MPPED2: variants seen among roughly 807,000 people sequenced by gnomAD.
MPPED2 encodes the protein metallophosphoesterase MPPED2.
MPPED2 carries 5 observed loss-of-function variants against 33.0 expected under a neutral mutation model. The observed-to-expected ratio is 0.15, with a 90% CI of 0.08 to 0.32. The LOEUF (loss-of-function observed/expected upper bound fraction) is 0.32, where lower values mean the gene tolerates loss of function less well. MPPED2 is among the 10% of genes least tolerant of loss of function. MPPED2 has a pLI of 1.00. For synonymous variants in MPPED2, 136 were observed against 141.9 expected (o/e 0.96, Z 0.29); for missense variants, 275 against 372.1 (o/e 0.74, Z 2.15).
chr11:30,559,294 T>C (rs1280299857), intron 2 of MPPED2, among the ~76,000 whole-genome samples: 1 of 152,172 alleles, frequency 6.6e-6, no homozygotes, highest in Non-Finnish European at 1.5e-5. Context: ...CACAGAGCAA[T>C]AGTAACAAAG....
chr11:30,570,227 A>G (rs182209824), intron 2 of MPPED2, among the ~76,000 whole-genome samples: 12 of 152,208 alleles, frequency 7.9e-5, no homozygotes, highest in Admixed American at 7.9e-4. Flanking sequence ...TTCCCAGGTC[A>G]CAGGCAGGCA....
downstream of MPPED2, among the ~76,000 whole-genome samples, chr11:30,409,782 C>G (rs760805343): frequency 9.2e-5 from 14 of 152,286 alleles, no homozygotes; most frequent in Non-Finnish European, 2.1e-4. Flanking sequence ...GCTATCCCCT[C>G]TTGGTTGCCA....
At chr11:30,475,046 T>G (rs1951117593) in intron 4 of MPPED2, among the ~76,000 whole-genome samples, 1 of 152,222 alleles carries the variant, frequency 6.6e-6, no homozygotes, top group Non-Finnish European at 1.5e-5. Context: ...TCTAGAAAGG[T>G]TATTCTTTGA....
At chr11:30,486,327 C>T (rs1019034304) in intron 4 of MPPED2, among the ~76,000 whole-genome samples, 14 of 151,884 alleles carry the variant, frequency 9.2e-5, no homozygotes, top group African/African-American at 3.4e-4. Flanking sequence ...AATAAGTAAT[C>T]AGTGTTTGTC....
At chr11:30,581,360 A>AT (rs553375489) in intron 1 of MPPED2, among the ~76,000 whole-genome samples, 3 of 152,170 alleles carry the variant, frequency 2.0e-5, no homozygotes, top group Non-Finnish European at 4.4e-5. Flanking sequence ...ATGTCAATAT[A>AT]TTATTTGCTG....
intron 4 of MPPED2, among the ~76,000 whole-genome samples, chr11:30,475,190 A>G (rs1951126812): frequency 6.6e-6 from 1 of 152,156 alleles, no homozygotes; most frequent in African/African-American, 2.4e-5. Context: ...TCCTTCTTAC[A>G]TTCTTCAAAT....
chr11:30,475,557 T>C (rs1951152077), intron 4 of MPPED2, among the ~76,000 whole-genome samples: 1 of 152,194 alleles, frequency 6.6e-6, no homozygotes, highest in African/African-American at 2.4e-5. Flanking sequence ...AAATGTACTC[T>C]TTTGTGTCTG....
At chr11:30,468,141 TC>T (rs1321112579) in intron 4 of MPPED2, among the ~76,000 whole-genome samples, 1 of 152,190 alleles carries the variant, frequency 6.6e-6, no homozygotes, top group Admixed American at 6.5e-5. Context: ...TAAGTATTTC[TC>T]TACATATGGT....
chr11:30,405,513 A>G (rs1365442761), downstream of MPPED2, among the ~76,000 whole-genome samples: 2 of 152,230 alleles, frequency 1.3e-5, no homozygotes, highest in African/African-American at 4.8e-5. Flanking sequence ...GCTGTCAGAT[A>G]TGAAAGAGCC....
intron 2 of MPPED2, among the ~76,000 whole-genome samples, chr11:30,556,814 T>C (rs1210804107): frequency 6.6e-6 from 1 of 152,190 alleles, no homozygotes; most frequent in Non-Finnish European, 1.5e-5. Flanking sequence ...ATCATTTCTG[T>C]AGATTTTGCC....
chr11:30,536,054 T>A lies in MPPED2; in HGVS notation c.250A>T (p.Thr84Ser). The A allele has an allele frequency of 6.2e-7, 1 of 1,613,556 alleles. No homozygotes were observed. ...QMPYGDILLH[T>S]GDFTELGLPS... ...AGTCCCAGCTCGGTGAAATCGCCTG[T>A]GTGGAGAAGGATGTCCCCATAAGGC... is the stretch of plus-strand genomic sequence containing the variant. The change falls in exon 3 of 7, where the codon ACA becomes TCA. Residue 84 changes from threonine to serine, a missense_variant. By Grantham distance (58) the Thr-to-Ser change is moderately conservative (BLOSUM62 1). Transcript: ENST00000358117.
At chr11:30,414,171 G>C (rs1948238394) in intron 6 of MPPED2, 57 bp downstream of exon 6, 1 of 1,205,936 alleles carries the variant, frequency 8.3e-7, no homozygotes, top group Non-Finnish European at 1.2e-6. Context: ...CCTAGTTGTA[G>C]ACTGAGATAG....
At chr11:30,514,739 C>T (rs564138531) in intron 3 of MPPED2, among the ~76,000 whole-genome samples, 1 of 152,270 alleles carries the variant, frequency 6.6e-6, no homozygotes, top group East Asian at 1.9e-4. Context: ...TAAATGAAAT[C>T]AAATGATGAT....
intron 4 of MPPED2, among the ~76,000 whole-genome samples, chr11:30,486,872 T>G (rs1951766544): frequency 2.0e-5 from 3 of 152,198 alleles, no homozygotes; most frequent in Non-Finnish European, 4.4e-5. Flanking sequence ...GTCTTTCCGT[T>G]TTGTATGTCC....
chr11:30,584,574 T>C (rs1263067425), intron 1 of MPPED2: 1 of 152,466 alleles, frequency 6.6e-6, no homozygotes, highest in Non-Finnish European at 1.5e-5. Flanking sequence ...CCTATCTTTT[T>C]TCTCTCCCTC....
chr11:30,579,706 A>C (rs1298504465), intron 2 of MPPED2, among the ~76,000 whole-genome samples: 1 of 152,126 alleles, frequency 6.6e-6, no homozygotes, highest in African/African-American at 2.4e-5. Flanking sequence ...TGAGTCCTGT[A>C]GCATGCAGCA....
chr11:30,560,515 C>G (rs947324181), intron 2 of MPPED2, among the ~76,000 whole-genome samples: 25 of 152,110 alleles, frequency 1.6e-4, no homozygotes, highest in African/African-American at 6.0e-4. Context: ...GAACCAATAT[C>G]TTAGCTTATT....
intron 3 of MPPED2, among the ~76,000 whole-genome samples, chr11:30,535,620 T>C (rs1954768462): frequency 6.6e-6 from 1 of 152,158 alleles, no homozygotes; most frequent in Non-Finnish European, 1.5e-5. Context: ...GTAGGTCATT[T>C]GTATATCTTT....
chr11:30,428,891 C>T (rs778310806), intron 4 of MPPED2: 1 of 152,080 alleles, frequency 6.6e-6, no homozygotes, highest in Non-Finnish European at 1.5e-5. Context: ...ATATCACCAA[C>T]CCTTTGGTTT....
Sources: allele counts gnomAD v4.1 joint callset (sites outside exome capture counted in the v4.1 genomes callset), GRCh38; gene constraint gnomAD v4.1.1; transcripts MANE v1.5; gene names NCBI Gene and HGNC (gene_info 2026-07-23, HGNC 2026-07-21).